The following PHEX variants were observed in gnomAD, a reference collection of about 807,000 sequenced individuals.
PHEX encodes the protein phosphate regulating endopeptidase X-linked.
In PHEX, 16 loss-of-function variants were observed where a neutral mutation model predicts 68.0. That is an observed-to-expected ratio of 0.24 (90% CI 0.16 to 0.36). The LOEUF (loss-of-function observed/expected upper bound fraction) is 0.36, where lower values mean the gene tolerates loss of function less well. PHEX is among the 10% of genes least tolerant of loss of function. PHEX has a pLI of 1.00. For missense variants in PHEX, 480 were observed against 575.5 expected (o/e 0.83, Z 1.70); for synonymous variants, 208 against 205.1 (o/e 1.01, Z -0.12).
intron 10 of PHEX, among the ~76,000 whole-genome samples, chrX:22,112,277 G>A (rs1402245822): frequency 9.0e-6 from 1 of 111,214 alleles, no homozygotes; most frequent in Non-Finnish European, 1.9e-5. Flanking sequence ...ACTGTGCCGG[G>A]CCTCACCTGG....
intron 12 of PHEX, among the ~76,000 whole-genome samples, chrX:22,136,779 T>C (rs1299824489): frequency 8.9e-6 from 1 of 111,751 alleles, no homozygotes; most frequent in Non-Finnish European, 1.9e-5. Flanking sequence ...CTAGGGGTGT[T>C]CACTGTAAAA....
rs866440004 is a variant in PHEX at position 22,249,453 on chromosome X, A to T, written c.*1500A>T. ...ATTTGTGATTCTTTTAAAAAAAAAAAAAATATATATATATATATATATATA... is the reference window on the plus strand; with the variant it reads ...ATTTGTGATTCTTTTAAAAAAAAAATAAATATATATATATATATATATATA... On this transcript the variant is annotated 3_prime_UTR_variant, in exon 22 of 22. Coordinates refer to ENST00000379374, the MANE Select transcript of PHEX (RefSeq NM_000444.6). 0.012 allele frequency: 339 copies of T among 27,944 alleles called. 1 individual carries two copies. Among genetic ancestry groups the T allele is most frequent in the African/African-American group, 0.044 (209 of 4,769 alleles). The allele number at this position is 27,944 out of a possible 1,213,427, so 2.3% of individuals were successfully genotyped here. A position where few individuals can be genotyped will look rare whatever the true frequency, so the allele number is the denominator to read the frequency against.
At chrX:22,226,181 C>T (rs1935488469) in intron 18 of PHEX, among the ~76,000 whole-genome samples, 1 of 111,231 alleles carries the variant, frequency 9.0e-6, no homozygotes, top group Non-Finnish European at 1.9e-5. Flanking sequence ...TTGGAGCTGG[C>T]TAGATTGGTT....
At chrX:22,244,861 G>C (rs1936346251) in intron 20 of PHEX, among the ~76,000 whole-genome samples, 1 of 111,763 alleles carries the variant, frequency 8.9e-6, no homozygotes, top group Non-Finnish European at 1.9e-5. Flanking sequence ...CTTCAAAGGA[G>C]ATGGAGAAGT....
At chrX:22,244,471 G>A (rs778656554) in intron 20 of PHEX, among the ~76,000 whole-genome samples, 100 of 110,726 alleles carry the variant, frequency 9.0e-4, no homozygotes, top group African/African-American at 3.2e-3. Context: ...GCGTGGCGGT[G>A]TGCACCTGTA....
intron 3 of PHEX, among the ~76,000 whole-genome samples, chrX:22,072,656 A>G (rs1928957394): frequency 8.9e-6 from 1 of 112,307 alleles, no homozygotes; most frequent in South Asian, 3.6e-4. Context: ...ATCAATAACA[A>G]AAAGGTAGAT....
At chrX:22,130,237 G>A (rs748648456) in intron 11 of PHEX, among the ~76,000 whole-genome samples, 2 of 111,523 alleles carry the variant, frequency 1.8e-5, no homozygotes, top group East Asian at 5.6e-4. Flanking sequence ...GTTGCTACAT[G>A]ATGAGTCCCT....
intron 20 of PHEX, among the ~76,000 whole-genome samples, chrX:22,234,710 G>C (rs1464373121): frequency 9.1e-6 from 1 of 110,065 alleles, no homozygotes; most frequent in Non-Finnish European, 1.9e-5. Flanking sequence ...TGGGCTCTGT[G>C]GGGGTAGGAC....
intron 20 of PHEX, among the ~76,000 whole-genome samples, chrX:22,228,572 A>G (rs866278652): frequency 4.1e-4 from 46 of 111,538 alleles, no homozygotes; most frequent in Admixed American, 1.1e-3. Flanking sequence ...AGTCATCCAC[A>G]ACATGACTTT....
At chrX:22,224,705 G>A (rs960942702) in intron 18 of PHEX, among the ~76,000 whole-genome samples, 7 of 110,630 alleles carry the variant, frequency 6.3e-5, no homozygotes, top group African/African-American at 2.0e-4. Context: ...AAGAATATAC[G>A]TAAAGCAGGA....
intron 11 of PHEX, among the ~76,000 whole-genome samples, chrX:22,131,526 C>G (rs1041251728): frequency 1.8e-5 from 2 of 112,882 alleles, no homozygotes; most frequent in Non-Finnish European, 1.9e-5. Context: ...GTGAAGCTCC[C>G]CCGACCCCCT....
At chrX:22,222,925 T>G (rs1417541492) in intron 18 of PHEX, among the ~76,000 whole-genome samples, 1 of 112,157 alleles carries the variant, frequency 8.9e-6, no homozygotes, top group Non-Finnish European at 1.9e-5. Context: ...AAGTCCATAC[T>G]GCTTCCCCTA....
chrX:22,212,567 A>G (rs2147163581), intron 15 of PHEX, among the ~76,000 whole-genome samples: 1 of 112,117 alleles, frequency 8.9e-6, no homozygotes, highest in East Asian at 2.8e-4. Context: ...CAGGTTGCAC[A>G]CCCACGAAGC....
Position 22,144,758 on chromosome X carries a change from A to G in PHEX, c.1404+11134A>G, listed in dbSNP as rs556765059. 5.5e-5 allele frequency among the ~76,000 whole-genome samples: 6 copies of G among 109,780 alleles called. No individual in the cohort carries two copies. In the South Asian group the frequency reaches 2.4e-3, roughly 43 times the overall value. On this transcript the variant is annotated intron_variant, in intron 12 of 21. Transcript: ENST00000379374. ...TTGCTTTCTTTTTTTTGAAAAAAAA[A>G]AAATGGTTGATTTGAATCAGTATCC...
chrX:22,235,680 G>GAATT (rs1935949597), intron 20 of PHEX, among the ~76,000 whole-genome samples: 1 of 111,416 alleles, frequency 9.0e-6, no homozygotes. Flanking sequence ...TTCAACATAA[G>GAATT]AATTTTGGGG....
chrX:22,080,559 G>A (rs747578132), intron 5 of PHEX, among the ~76,000 whole-genome samples: 7 of 111,359 alleles, frequency 6.3e-5, no homozygotes, highest in South Asian at 3.8e-4. Context: ...AAAAATTAGC[G>A]TACTGGTGGC....
At chrX:22,226,410 CAT>C (rs1491523011) in intron 18 of PHEX, 31 bp from the exon 19 acceptor site, 5 of 951,439 alleles carry the variant, frequency 5.3e-6, no homozygotes, top group Non-Finnish European at 7.4e-6. Context: ...AACACGCATT[CAT>C]TTTTTTTTTT....
chrX:22,049,863 C>CAA (rs1207735763), intron 3 of PHEX, among the ~76,000 whole-genome samples: 1 of 97,404 alleles, frequency 1.0e-5, no homozygotes, highest in Admixed American at 1.1e-4. Context: ...AACTCTGTCT[C>CAA]AAAAAAAAAA....
chrX:22,113,560 G>A (rs1237236090), intron 10 of PHEX, among the ~76,000 whole-genome samples: 2 of 111,832 alleles, frequency 1.8e-5, no homozygotes, highest in Non-Finnish European at 3.8e-5. Context: ...GTATAATTGG[G>A]ACAGATGGGC....
Sources: allele counts gnomAD v4.1 joint callset (sites outside exome capture counted in the v4.1 genomes callset), GRCh38; gene constraint gnomAD v4.1.1; transcripts MANE v1.5; gene names NCBI Gene and HGNC (gene_info 2026-07-23, HGNC 2026-07-21).